DCAF8L2: variants seen among roughly 807,000 people sequenced by gnomAD.
DCAF8L2 encodes the protein DDB1- and CUL4-associated factor 8-like protein 2.
For synonymous variants in DCAF8L2, 200 were observed against 190.9 expected (o/e 1.05, Z -0.39); for missense variants, 430 against 490.7 (o/e 0.88, Z 1.17).
chrX:27,598,960 C>CA (rs113747555), intron 1 of DCAF8L2, among the ~76,000 whole-genome samples: 574 of 82,486 alleles, frequency 7.0e-3, no homozygotes, highest in Middle Eastern at 0.013. Context: ...GAAAGTTTCT[C>CA]AAAAAAAAAA....
intron 2 of DCAF8L2, among the ~76,000 whole-genome samples, chrX:27,667,816 A>G (rs1188729962): frequency 1.8e-5 from 2 of 112,437 alleles, no homozygotes. Flanking sequence ...AATCATTACC[A>G]TACTGATTAA....
the DCAF8L2 span, among the ~76,000 whole-genome samples, chrX:27,561,023 T>C: frequency 8.9e-6 from 1 of 112,236 alleles, no homozygotes; most frequent in African/African-American, 3.2e-5. Context: ...CACAAAATAA[T>C]TGGGTGGGAA....
At chrX:27,573,254 T>TCTCA in the DCAF8L2 span, among the ~76,000 whole-genome samples, 3,080 of 99,660 alleles carry the variant, frequency 0.031, 68 homozygotes, top group Middle Eastern at 0.056. Context: ...TCTCTCTCTC[T>TCTCA]CACACACACA....
the DCAF8L2 span, among the ~76,000 whole-genome samples, chrX:27,502,335 A>AAAAAAAAAAAAAATAT: frequency 7.9e-5 from 1 of 12,716 alleles, no homozygotes; most frequent in African/African-American, 2.2e-4. Context: ...AAAAAAAAAA[A>AAAAAAAAAAAAAATAT]ATATATATAT....
intron 1 of DCAF8L2, among the ~76,000 whole-genome samples, chrX:27,621,373 A>G (rs1213671328): frequency 1.8e-5 from 2 of 111,653 alleles, no homozygotes; most frequent in Non-Finnish European, 3.8e-5. Context: ...TTTTGTTAAG[A>G]TAACAAATTT....
chrX:27,518,412 C>G, the DCAF8L2 span: 1 of 627,843 alleles, frequency 1.6e-6, no homozygotes, highest in Non-Finnish European at 2.7e-6. Flanking sequence ...TGCACAAGAT[C>G]TAGAAATATA....
chrX:27,694,940 T>C (rs1325358003), intron 3 of DCAF8L2, among the ~76,000 whole-genome samples: 1 of 112,302 alleles, frequency 8.9e-6, no homozygotes, highest in Non-Finnish European at 1.9e-5. Context: ...AGGATATTTT[T>C]ATTCAAGAAG....
chrX:27,487,183 A>G, the DCAF8L2 span, among the ~76,000 whole-genome samples: 7 of 112,458 alleles, frequency 6.2e-5, no homozygotes, highest in South Asian at 1.5e-3. Flanking sequence ...CTATACTTAT[A>G]TTAATTTTAC....
chrX:27,475,368 A>G, the DCAF8L2 span, among the ~76,000 whole-genome samples: 1 of 112,100 alleles, frequency 8.9e-6, no homozygotes, highest in East Asian at 2.8e-4. Context: ...ACCAGACTAG[A>G]GCCAATTTAT....
At chrX:27,580,380 A>T in the DCAF8L2 span, among the ~76,000 whole-genome samples, 4 of 111,527 alleles carry the variant, frequency 3.6e-5, no homozygotes, top group Non-Finnish European at 7.5e-5. Flanking sequence ...TGAGGTTTAA[A>T]CACAGAGAAG....
the DCAF8L2 span, among the ~76,000 whole-genome samples, chrX:27,531,234 A>G: frequency 0.091 from 10,080 of 111,379 alleles, 381 homozygotes; most frequent in Non-Finnish European, 0.12. Context: ...AATGTGGAGC[A>G]AGGTCATGTC....
the DCAF8L2 span, among the ~76,000 whole-genome samples, chrX:27,555,671 A>T: frequency 1.8e-5 from 2 of 112,100 alleles, no homozygotes; most frequent in Non-Finnish European, 3.8e-5. Flanking sequence ...TTTGCAGTGA[A>T]TACAATGTTA....
intron 1 of DCAF8L2, among the ~76,000 whole-genome samples, chrX:27,613,046 G>A (rs1398908851): frequency 2.7e-5 from 3 of 111,582 alleles, no homozygotes; most frequent in Non-Finnish European, 1.9e-5. Flanking sequence ...TGGGCAGTAT[G>A]GCCATTTTCA....
intron 2 of DCAF8L2, among the ~76,000 whole-genome samples, chrX:27,654,147 G>T (rs1929260776): frequency 9.0e-6 from 1 of 111,080 alleles, no homozygotes; most frequent in Non-Finnish European, 1.9e-5. Context: ...CTCCTCTCTG[G>T]CATGATTAAG....
the DCAF8L2 span, among the ~76,000 whole-genome samples, chrX:27,548,009 G>A: frequency 9.2e-6 from 1 of 108,706 alleles, no homozygotes; most frequent in South Asian, 4.1e-4. Context: ...TACAGCCTGT[G>A]GAGCTGTGAT....
At chrX:27,722,716 C>T (rs1192187935) in intron 4 of DCAF8L2, among the ~76,000 whole-genome samples, 1 of 110,259 alleles carries the variant, frequency 9.1e-6, no homozygotes, top group Non-Finnish European at 1.9e-5. Context: ...GCTTGTGTTC[C>T]AGATAAAAGC....
intron 4 of DCAF8L2, among the ~76,000 whole-genome samples, chrX:27,741,434 A>G (rs1378737396): frequency 8.8e-5 from 6 of 68,017 alleles, no homozygotes; most frequent in Non-Finnish European, 1.5e-4. Context: ...CCCCAGCACC[A>G]TGGCTTAGGA....
At chrX:27,470,467 C>T in the DCAF8L2 span, among the ~76,000 whole-genome samples, 1 of 112,232 alleles carries the variant, frequency 8.9e-6, no homozygotes, top group South Asian at 3.7e-4. Context: ...CTGCTGAGCT[C>T]TAATTGGTCA....
the DCAF8L2 span, among the ~76,000 whole-genome samples, chrX:27,490,721 A>G: frequency 9.0e-6 from 1 of 111,305 alleles, no homozygotes; most frequent in African/African-American, 3.3e-5. Context: ...CGGCTTCTCA[A>G]AGTGCTGGGA....
Sources: gnomAD v4.1 joint callset for allele counts (sites outside exome capture counted in the v4.1 genomes callset) on GRCh38, gnomAD v4.1.1 for gene constraint, MANE v1.5 for transcripts, NCBI Gene and HGNC (gene_info 2026-07-23, HGNC 2026-07-21) for gene names.